Variants in ADGRV1 observed in about 807,000 individuals in gnomAD.
ADGRV1 encodes adhesion G protein-coupled receptor V1.
A neutral mutation model predicts 596.2 loss-of-function variants in ADGRV1; 359 were observed. The observed-to-expected ratio is 0.60, with a 90% CI of 0.55 to 0.66. ADGRV1 has a LOEUF of 0.66. ADGRV1 is among the 30% of genes least tolerant of loss of function. The pLI, the probability that ADGRV1 is intolerant of heterozygous loss-of-function variation, is 0.00. For missense variants in ADGRV1, 7,274 were observed against 7,575.6 expected, an observed-to-expected ratio of 0.96 and a Z score of 1.48; for synonymous variants, 2,681 against 2,679.2, an observed-to-expected ratio of 1.00 and a Z score of -0.02.
At chr5:91,010,157 G>A (rs147968704) in intron 85 of ADGRV1, among the ~76,000 whole-genome samples, 1,659 of 152,118 alleles carry the variant, frequency 0.011, 29 homozygotes, top group African/African-American at 0.038. Context: ...GTTAATAGGG[G>A]AACAAAATGA....
intron 18 of ADGRV1, among the ~76,000 whole-genome samples, 176 bp from the exon 19 acceptor site, chr5:90,652,170 A>G (rs967964636): frequency 3.9e-5 from 6 of 152,132 alleles, no homozygotes; most frequent in African/African-American, 1.4e-4. Context: ...CTCTTTTATT[A>G]AAGTTCTACC....
chr5:90,936,336 T>G (rs1026693818), intron 83 of ADGRV1, among the ~76,000 whole-genome samples: 1 of 152,150 alleles, frequency 6.6e-6, no homozygotes, highest in Non-Finnish European at 1.5e-5. Context: ...TAGCTGTATC[T>G]AAAAATATAT....
chr5:90,614,923 A>G lies in ADGRV1; in HGVS notation c.111A>G (p.Gly37=). The G allele has an allele frequency of 1.2e-6, 2 of 1,604,516 alleles. No individual in the cohort carries two copies. Among genetic ancestry groups the G allele is most frequent in the Non-Finnish European group, 1.7e-6 (2 of 1,174,280 alleles). Residue 37 remains glycine (G), a synonymous_variant, in exon 2 of 90, where the codon GGA becomes GGG. Coordinates refer to ENST00000405460, the MANE Select transcript of ADGRV1 (RefSeq NM_032119.4). The part of the protein sequence containing the change: ...VFGETEIRFT[G]QTEFVVNETS... ...GAGAAACAGAAATAAGATTTACTGG[A>G]CAAACTGAATTTGTTGTTAATGAAA... is the stretch of plus-strand genomic sequence containing the variant.
intron 86 of ADGRV1, among the ~76,000 whole-genome samples, chr5:91,095,055 A>G (rs929845534): frequency 1.5e-4 from 23 of 152,326 alleles, no homozygotes; most frequent in Admixed American, 1.3e-3. Context: ...TGGGTTTTCA[A>G]GAGCTCTTTT....
At chr5:90,797,287 CAAAAAAA>C (rs780696194) in intron 70 of ADGRV1, among the ~76,000 whole-genome samples, 5 of 26,350 alleles carry the variant, frequency 1.9e-4, no homozygotes, top group Non-Finnish European at 2.9e-4. Flanking sequence ...AAATGAAAAG[CAAAAAAA>C]AAAAAAAAAA....
chr5:91,084,137 C>T (rs934910887), intron 86 of ADGRV1, among the ~76,000 whole-genome samples: 4 of 152,112 alleles, frequency 2.6e-5, no homozygotes, highest in African/African-American at 7.2e-5. Context: ...ACTTGTTCTT[C>T]ATCCTCATTG....
At chr5:90,570,793 TATC>T (rs1372431610) in intron 1 of ADGRV1, among the ~76,000 whole-genome samples, 1 of 152,002 alleles carries the variant, frequency 6.6e-6, no homozygotes, top group African/African-American at 2.4e-5. Context: ...ATCTTTTTGA[TATC>T]ATTCATTTGA....
intron 86 of ADGRV1, among the ~76,000 whole-genome samples, chr5:91,075,184 T>C (rs894825844): frequency 6.6e-6 from 1 of 152,154 alleles, no homozygotes; most frequent in African/African-American, 2.4e-5. Flanking sequence ...AGCTCTTTAG[T>C]TTAATTAGGT....
At chr5:90,654,206 A>G (rs575393613) in intron 20 of ADGRV1, 14 of 485,256 alleles carry the variant, frequency 2.9e-5, no homozygotes, top group Middle Eastern at 5.8e-4. Context: ...GTGATATATC[A>G]CAATGACACC....
intron 50 of ADGRV1, among the ~76,000 whole-genome samples, chr5:90,743,796 G>A (rs1026685044): frequency 6.6e-6 from 1 of 151,692 alleles, no homozygotes; most frequent in African/African-American, 2.4e-5. Context: ...ATGTTCCAAT[G>A]TGTTTATCTA....
At chr5:91,046,698 G>A (rs940566611) in intron 85 of ADGRV1, among the ~76,000 whole-genome samples, 1 of 152,172 alleles carries the variant, frequency 6.6e-6, no homozygotes, top group Admixed American at 6.5e-5. Context: ...CTTTTGCATG[G>A]CAGAAGGAAC....
At position 90,646,040 on chromosome 5, in the gene ADGRV1, A is replaced by C; in HGVS notation, c.2971A>C (p.Thr991Pro). 6.2e-6 allele frequency: 10 copies of C among 1,604,930 alleles called. No individual in the cohort carries two copies. The highest frequency in any genetic ancestry group is 8.5e-6 in the Non-Finnish European group (10 of 1,174,974). The change falls in exon 16 of 90, where the codon ACA becomes CCA. Residue 991 changes from threonine to proline, a missense_variant. Transcript: ENST00000405460. Reference protein sequence around the residue: ...GTGGAKVGNRTTATLRIRRND... With the variant: ...GTGGAKVGNRPTATLRIRRND... The stretch of plus-strand genomic sequence containing the variant: ...TGGAGGAGCTAAAGTGGGAAATAGA[A>C]CAACTGCAACTCTGAGGATTAGAAG...
chr5:90,597,115 G>T (rs1372777995), intron 1 of ADGRV1, among the ~76,000 whole-genome samples: 1 of 152,216 alleles, frequency 6.6e-6, no homozygotes, highest in African/African-American at 2.4e-5. Context: ...ACATTTGTTT[G>T]GAGATGTGTA....
At chr5:90,953,355 A>C (rs901368186) in intron 83 of ADGRV1, among the ~76,000 whole-genome samples, 8 of 152,164 alleles carry the variant, frequency 5.3e-5, no homozygotes, top group African/African-American at 1.9e-4. Flanking sequence ...CAGAAAGCCT[A>C]CCACACTGTA....
intron 89 of ADGRV1, 148 bp downstream of exon 89, chr5:91,153,546 T>G: frequency 4.2e-6 from 2 of 473,012 alleles, no homozygotes; most frequent in South Asian, 7.4e-5. Flanking sequence ...AGGAAAACTC[T>G]AGGATATTTT....
rs752178057 is a variant in ADGRV1, at chr5:90,646,020, G to T, written c.2951G>T (p.Gly984Val). 3 of 1,606,836 alleles carry T rather than the reference G, an allele frequency of 1.9e-6. No homozygotes were observed. The highest frequency in any genetic ancestry group is 3.4e-5 in the Admixed American group (2 of 59,594). Residue 984 changes from glycine to valine, a missense_variant, in exon 16 of 90, where the codon GGA becomes GTA. Physicochemically the swap from Gly to Val is moderately radical, Grantham distance 109. This residue lies in a region of ADGRV1 where 1,715 missense variants were observed against 1,708.8 expected (regional missense o/e 1.00). Transcript: ENST00000405460. ...FTVILLNGTG[G>V]AKVGNRTTAT... Reference sequence around the variant, plus strand: ...GTTATCCTACTGAATGGCACTGGAGGAGCTAAAGTGGGAAATAGAACAACT... The same window carrying T: ...GTTATCCTACTGAATGGCACTGGAGTAGCTAAAGTGGGAAATAGAACAACT...
chr5:90,869,016 G>A (rs1164389877), intron 83 of ADGRV1, among the ~76,000 whole-genome samples: 1 of 152,034 alleles, frequency 6.6e-6, no homozygotes, highest in Non-Finnish European at 1.5e-5. Flanking sequence ...TGCGCAATGA[G>A]AAATACCAAG....
At chr5:91,123,406 G>A (rs974742789) in intron 87 of ADGRV1, among the ~76,000 whole-genome samples, 12 of 152,110 alleles carry the variant, frequency 7.9e-5, no homozygotes, top group African/African-American at 2.4e-4. Flanking sequence ...CCTGTTTCTC[G>A]TAGATGGTGC....
rs563266483 is a variant in ADGRV1 at position 90,765,256 on chromosome 5, G to A, written c.12285+1787G>A. ...CTCGAGGCACTGGGCACTGTGCACT[G>A]TGCTGTCACTGCTGAGGGGAATGGT... On this transcript the variant is annotated intron_variant, in intron 59 of 89. Transcript: ENST00000405460. Among the ~76,000 whole-genome samples the A allele has an allele frequency of 1.1e-4, 17 of 152,290 alleles. No individual in the cohort carries two copies. The East Asian group carries it at 3.3e-3, about 29-fold the overall frequency.
Sources: gnomAD v4.1 joint callset for allele counts (sites outside exome capture counted in the v4.1 genomes callset) on GRCh38, gnomAD v4.1.1 for gene constraint, gnomAD v4.1.1 regional missense constraint, MANE v1.5 for transcripts, NCBI Gene and HGNC (gene_info 2026-07-23, HGNC 2026-07-21) for gene names.